The following RPS6KA2 variants were observed in gnomAD, a reference collection of about 807,000 sequenced individuals.
The protein encoded by RPS6KA2 is ribosomal protein S6 kinase alpha-2.
Under a neutral mutation model 91.8 loss-of-function variants are expected in RPS6KA2, and 42 were observed. That is an observed-to-expected ratio of 0.46 (90% CI 0.36 to 0.59). The LOEUF (loss-of-function observed/expected upper bound fraction) is 0.59, where lower values mean the gene tolerates loss of function less well. Among genes scored for constraint, RPS6KA2 ranks in the 20% least tolerant of loss-of-function variants. RPS6KA2 has a pLI of 0.00. For missense variants in RPS6KA2, 798 were observed against 978.5 expected (o/e 0.82, Z 2.46); for synonymous variants, 414 against 393.6 (o/e 1.05, Z -0.61).
Position 166,668,310 on chromosome 6 carries a change from C to G in RPS6KA2, c.124-129526G>C, listed in dbSNP as rs867552342. 3.4e-4 allele frequency among the ~76,000 whole-genome samples: 51 copies of G among 152,234 alleles called. 1 individual carries two copies. In the Middle Eastern group the frequency reaches 0.024, roughly 71 times the overall value. ...TTGTGTGGGGCCCTTGGCACCTCACCCCTCAGTTCATATGGTGGGGTAGTG... is the reference window on the plus strand; with the variant it reads ...TTGTGTGGGGCCCTTGGCACCTCACGCCTCAGTTCATATGGTGGGGTAGTG... On this transcript the variant is annotated intron_variant, in intron 2 of 21. Coordinates refer to the RPS6KA2 transcript ENST00000503859.
chr6:166,699,112 T>C (rs766302965), intron 2 of RPS6KA2, among the ~76,000 whole-genome samples: 2 of 151,810 alleles, frequency 1.3e-5, no homozygotes, highest in Non-Finnish European at 2.9e-5. Context: ...AGATGACAAC[T>C]AAGAGGAGAG....
chr6:166,698,419 A>G (rs1789415472), intron 2 of RPS6KA2, among the ~76,000 whole-genome samples: 1 of 152,320 alleles, frequency 6.6e-6, no homozygotes. Flanking sequence ...GTCAATGGAG[A>G]AGGTTGAAAA....
At chr6:166,600,079 C>T (rs758209109) in intron 1 of RPS6KA2, among the ~76,000 whole-genome samples, 1 of 120,020 alleles carries the variant, frequency 8.3e-6, no homozygotes, top group African/African-American at 3.0e-5. Context: ...GCCATCATAG[C>T]TCACTGCAGC....
chr6:166,798,208 G>A (rs768738293), intron 2 of RPS6KA2, among the ~76,000 whole-genome samples: 1 of 152,246 alleles, frequency 6.6e-6, no homozygotes, highest in Non-Finnish European at 1.5e-5. Flanking sequence ...GCTCTTCAGA[G>A]CCCAATGTCA....
rs892083114 is a variant in RPS6KA2, at chr6:166,563,563, TC to T, written c.100-24780del. Among the ~76,000 whole-genome samples the T allele has an allele frequency of 6.6e-6, 1 of 151,108 alleles. No homozygotes were observed. The highest frequency in any genetic ancestry group is 2.4e-5 in the African/African-American group (1 of 41,018). ...CTGAGCGGCTGACCAGTCACCAGAC[TC>T]ACCCCCACCCGCCCTCTCCCCTCCA... On this transcript the variant is annotated intron_variant, in intron 1 of 20. Transcript: ENST00000265678. This position sits in a 1 kb window ranked among gnomAD's most constrained non-coding sequence, Gnocchi z 4.1.
intron 2 of RPS6KA2, among the ~76,000 whole-genome samples, chr6:166,831,879 CAGATGATAGATGGATAGAT>C (rs1359207323): frequency 1.4e-5 from 2 of 141,364 alleles, no homozygotes; most frequent in Non-Finnish European, 3.1e-5. Flanking sequence ...AGATGATAGA[CAGATGATAGATGGATAGAT>C]AGATGATGGA....
At chr6:166,791,683 A>G (rs906357189) in intron 2 of RPS6KA2, among the ~76,000 whole-genome samples, 1 of 152,058 alleles carries the variant, frequency 6.6e-6, no homozygotes, top group African/African-American at 2.4e-5. Context: ...CCACAGTGCA[A>G]TCAAACTAGA....
At position 166,412,680 on chromosome 6, in the gene RPS6KA2, G is replaced by C. The variant is rs1778349401; in HGVS notation, c.*82C>G. ...TCCCTGCTGGACTTGTGGTCACTCT[G>C]GGTGCCAGACGGGCTCCGAGGCCGG... On this transcript the variant is annotated 3_prime_UTR_variant, in exon 21 of 21. Transcript: ENST00000265678. The surrounding 1 kb of genome is among the most constrained non-coding windows in gnomAD (Gnocchi z 4.3). 1 of 1,384,000 alleles carries C rather than the reference G, an allele frequency of 7.2e-7. No homozygotes were observed. The highest frequency in any genetic ancestry group is 1.4e-5 in the South Asian group (1 of 72,866). 85.7% of individuals were successfully genotyped at this position (1,384,000 alleles called of 1,614,324 possible).
intron 16 of RPS6KA2, among the ~76,000 whole-genome samples, chr6:166,427,087 A>G (rs879294533): frequency 0.062 from 5,326 of 85,948 alleles, no homozygotes; most frequent in South Asian, 0.067. Flanking sequence ...GCAGCATATC[A>G]AAAAGCTTAT....
chr6:166,581,388 G>A (rs1785003834), intron 1 of RPS6KA2, among the ~76,000 whole-genome samples: 1 of 152,084 alleles, frequency 6.6e-6, no homozygotes, highest in Admixed American at 6.5e-5. Flanking sequence ...CACCCACCTG[G>A]ATGCGCAGGT....
At chr6:166,823,929 G>A (rs954770367) in intron 2 of RPS6KA2, among the ~76,000 whole-genome samples, 5 of 152,162 alleles carry the variant, frequency 3.3e-5, no homozygotes, top group African/African-American at 1.2e-4. Context: ...GCTGTTGGGA[G>A]TATAAACTGG....
rs535302539 is a variant in RPS6KA2 at position 166,484,263 on chromosome 6, C to T, written c.907+4570G>A. Reference sequence around the variant, plus strand: ...TCATGCATATTCACCAGGGGCTCTGCGTGGTCCGAGAGCTGGACACAAAGA... The same window carrying T: ...TCATGCATATTCACCAGGGGCTCTGTGTGGTCCGAGAGCTGGACACAAAGA... On this transcript the variant is annotated intron_variant, in intron 10 of 20. Coordinates refer to ENST00000265678, the MANE Select transcript of RPS6KA2 (RefSeq NM_021135.6). 5.3e-5 allele frequency among the ~76,000 whole-genome samples: 8 copies of T among 152,324 alleles called. No individual in the cohort carries two copies. The South Asian group carries it at 1.0e-3, about 20-fold the overall frequency.
chr6:166,594,608 G>A (rs1583310567), intron 1 of RPS6KA2, among the ~76,000 whole-genome samples: 2 of 152,216 alleles, frequency 1.3e-5, no homozygotes, highest in Admixed American at 1.3e-4. Context: ...GACTACAGGC[G>A]CCTGCCACGA....
chr6:166,553,448 C>CTTT (rs397953275), intron 1 of RPS6KA2, among the ~76,000 whole-genome samples: 2 of 140,342 alleles, frequency 1.4e-5, no homozygotes, highest in African/African-American at 2.6e-5. Flanking sequence ...TTTAGTCCCA[C>CTTT]TTTTTTTTTT....
rs572145210 is a variant in RPS6KA2 at position 166,733,473 on chromosome 6, C to T, written c.123+124727G>A. 1.2e-4 allele frequency among the ~76,000 whole-genome samples: 19 copies of T among 152,344 alleles called. No homozygotes were observed. The South Asian group carries it at 3.5e-3, about 28-fold the overall frequency. On this transcript the variant is annotated intron_variant, in intron 2 of 21. Transcript: ENST00000503859. This position sits in a 1 kb window ranked among gnomAD's most constrained non-coding sequence, Gnocchi z 4.1. ...AAAAGACATAGGGACCCTTACAGTA[C>T]GAGTTTTGGGTACTAACCCCATGGC...
intron 10 of RPS6KA2, among the ~76,000 whole-genome samples, chr6:166,483,347 C>T (rs901422172): frequency 3.9e-5 from 6 of 152,174 alleles, no homozygotes; most frequent in Non-Finnish European, 7.3e-5. Flanking sequence ...CACTGTGGGC[C>T]GCAGACCAGA....
intron 2 of RPS6KA2, among the ~76,000 whole-genome samples, chr6:166,633,157 C>T (rs988681949): frequency 3.3e-5 from 5 of 152,174 alleles, no homozygotes; most frequent in East Asian, 1.9e-4. Context: ...GAGGCGGAGA[C>T]GGCAGTGAGC....
At chr6:166,578,998 G>A (rs988345303) in intron 1 of RPS6KA2, among the ~76,000 whole-genome samples, 1 of 152,182 alleles carries the variant, frequency 6.6e-6, no homozygotes, top group African/African-American at 2.4e-5. Flanking sequence ...CACATTTAGT[G>A]AGAAGGCCCA....
intron 2 of RPS6KA2, among the ~76,000 whole-genome samples, chr6:166,855,192 A>G (rs1420909817): frequency 6.6e-6 from 1 of 152,130 alleles, no homozygotes; most frequent in Non-Finnish European, 1.5e-5. Flanking sequence ...GGAGCGTGGG[A>G]GTGGGGGCGA....
Sources: allele counts gnomAD v4.1 joint callset (sites outside exome capture counted in the v4.1 genomes callset), GRCh38; gene constraint gnomAD v4.1.1; non-coding constraint Gnocchi (gnomAD v3.1); transcripts MANE v1.5; gene names NCBI Gene and HGNC (gene_info 2026-07-23, HGNC 2026-07-21).